The following DENND3 variants were observed in gnomAD, a reference collection of about 807,000 sequenced individuals.
The protein encoded by DENND3 is DENN domain containing 3, also known as DENN domain-containing protein 3.
Under a neutral mutation model 135.1 loss-of-function variants are expected in DENND3, and 88 were observed. That is an observed-to-expected ratio of 0.65 (90% CI 0.55 to 0.78). The LOEUF (loss-of-function observed/expected upper bound fraction) is 0.78, where lower values mean the gene tolerates loss of function less well. Ranked by LOEUF, DENND3 falls within the 30% of genes least tolerant of loss-of-function variation. The probability of loss-of-function intolerance (pLI) is 0.00; values close to 1 mark genes in which losing one functional copy is unlikely to be tolerated. For missense variants in DENND3, 1,392 were observed against 1,688.4 expected (o/e 0.82, Z 3.08); for synonymous variants, 693 against 712.3 (o/e 0.97, Z 0.43).
chr8:141,133,129 TG>T (rs1398954082), intron 1 of DENND3, among the ~76,000 whole-genome samples: 2 of 151,918 alleles, frequency 1.3e-5, no homozygotes, highest in Admixed American at 6.6e-5. Flanking sequence ...GCAGTGAGCG[TG>T]GGGGGTGGAG....
chr8:141,164,837 C>T (rs1000405183), intron 10 of DENND3, among the ~76,000 whole-genome samples: 6 of 152,216 alleles, frequency 3.9e-5, no homozygotes, highest in Admixed American at 6.5e-5. Context: ...TGAAAACAGT[C>T]GTTTCCTCTT....
Position 141,137,891 on chromosome 8 carries a change from G to A in DENND3, c.386-131G>A, listed in dbSNP as rs1323806935. 5 of 840,110 alleles carry A rather than the reference G, an allele frequency of 6.0e-6. No individual in the cohort carries two copies. Among genetic ancestry groups the A allele is most frequent in the South Asian group, 1.8e-5 (1 of 54,688 alleles). The allele number at this position is 840,110 out of a possible 1,614,324, so 52.0% of individuals were successfully genotyped here. On this transcript the variant is annotated intron_variant, in intron 2 of 22. Transcript: ENST00000519811. The surrounding 1 kb of genome is among the most constrained non-coding windows in gnomAD (Gnocchi z 4.1). ...GAGGCGTGATCGGAAGAATGAACCC[G>A]CCTTGGACATGAAGGCACCACCACT...
intron 5 of DENND3, among the ~76,000 whole-genome samples, chr8:141,147,001 C>T (rs960126612): frequency 2.0e-5 from 3 of 152,160 alleles, no homozygotes; most frequent in African/African-American, 4.8e-5. Context: ...ATAAGGAATG[C>T]GTGCGTAGCA....
chr8:141,136,821 G>A (rs373336820), intron 2 of DENND3, 30 bp downstream of exon 2: 81 of 1,505,336 alleles, frequency 5.4e-5, no homozygotes, highest in Non-Finnish European at 6.5e-5. Context: ...ACCACTGGGC[G>A]CCTCCTGCTG....
intron 18 of DENND3, 149 bp from the exon 19 acceptor site, chr8:141,188,837 C>A: frequency 9.6e-7 from 1 of 1,040,844 alleles, no homozygotes; most frequent in Non-Finnish European, 1.4e-6. Flanking sequence ...AACGTCAGGG[C>A]CAGAGGCTCC....
At chr8:141,151,050 A>C in intron 6 of DENND3, 97 bp downstream of exon 6, 1 of 1,412,380 alleles carries the variant, frequency 7.1e-7, no homozygotes, top group Non-Finnish European at 9.3e-7. Context: ...AGTTTATTCC[A>C]CAATGCACCG....
chr8:141,161,061 G>A (rs1820072925), intron 9 of DENND3, among the ~76,000 whole-genome samples: 1 of 81,528 alleles, frequency 1.2e-5, no homozygotes, highest in South Asian at 4.7e-4. Flanking sequence ...GCTGGTGACT[G>A]TGCCTTACTA....
intron 14 of DENND3, 175 bp from the exon 15 acceptor site, chr8:141,176,416 T>C: frequency 1.4e-6 from 1 of 721,226 alleles, no homozygotes; most frequent in Non-Finnish European, 2.3e-6. Context: ...GAATCCTACC[T>C]GCCGTCCATG....
chr8:141,175,092 G>T lies in DENND3; in HGVS notation c.2276-108G>T, dbSNP rs1467636855. ...AGCGCCCTGAGTGCTGGCGCCACCTGCTGCCGGGTTCCGGTAGTGTGCGGT... is the reference window on the plus strand; with the variant it reads ...AGCGCCCTGAGTGCTGGCGCCACCTTCTGCCGGGTTCCGGTAGTGTGCGGT... On this transcript the variant is annotated intron_variant, in intron 13 of 22. Transcript: ENST00000519811. This position sits in a 1 kb window ranked among gnomAD's most constrained non-coding sequence, Gnocchi z 5.4. The T allele has an allele frequency of 2.2e-6, 3 of 1,358,652 alleles. No homozygotes were observed. Among genetic ancestry groups the T allele is most frequent in the Non-Finnish European group, 3.0e-6 (3 of 1,002,806 alleles). The allele number at this position is 1,358,652 out of a possible 1,614,324, so 84.2% of individuals were successfully genotyped here. A position where few individuals can be genotyped will look rare whatever the true frequency, so the allele number is the denominator to read the frequency against.
chr8:141,132,870 T>C (rs1464448547), intron 1 of DENND3, among the ~76,000 whole-genome samples: 1 of 152,188 alleles, frequency 6.6e-6, no homozygotes, highest in Non-Finnish European at 1.5e-5. Context: ...CAGTCCAGGC[T>C]GAGCATGCCT....
chr8:141,192,340 A>G lies in DENND3; in HGVS notation c.3389A>G (p.Asn1130Ser), dbSNP rs1223105718. Residue 1130 changes from asparagine to serine, a missense_variant, in exon 21 of 23, where the codon AAC becomes AGC. Transcript: ENST00000519811. ...HGGRLWCCTG[N>S]SIMVMKMNGS... ...CTCCTTCCTTCCACAGGCACAGGTA[A>G]CAGCATCATGGTCATGAAAATGAAT... 1 of 1,614,008 alleles carries G rather than the reference A, an allele frequency of 6.2e-7. No individual in the cohort carries two copies. Among genetic ancestry groups the G allele is most frequent in the Non-Finnish European group, 8.5e-7 (1 of 1,180,020 alleles).
At position 141,174,972 on chromosome 8, in the gene DENND3, C is replaced by T. The variant is rs545319041; in HGVS notation, c.2276-228C>T. The stretch of plus-strand genomic sequence containing the variant: ...CAGAGCGGGCGGCTGGAAAGGGCTG[C>T]GGGCTCAGCCTAGATCGTGTGCCCC... On this transcript the variant is annotated intron_variant, in intron 13 of 22. Coordinates refer to ENST00000519811, the MANE Select transcript of DENND3 (RefSeq NM_001352890.3). The surrounding 1 kb of genome is among the most constrained non-coding windows in gnomAD (Gnocchi z 4.6). Among the ~76,000 whole-genome samples, 31 of 152,310 alleles carry T rather than the reference C, an allele frequency of 2.0e-4. No homozygotes were observed. The highest frequency in any genetic ancestry group is 6.7e-4 in the African/African-American group (28 of 41,566).
Position 141,175,520 on chromosome 8 carries a change from G to C in DENND3, c.2535+61G>C. 8.1e-6 allele frequency: 13 copies of C among 1,611,884 alleles called. No individual in the cohort carries two copies. The highest frequency in any genetic ancestry group is 1.1e-5 in the Non-Finnish European group (13 of 1,179,854). On this transcript the variant is annotated intron_variant, in intron 14 of 22. Transcript: ENST00000519811. This position sits in a 1 kb window ranked among gnomAD's most constrained non-coding sequence, Gnocchi z 5.4. ...CCTGTGTTTAGGAGACAGATGGCTG[G>C]AGTGGGCCCTGAGCAGTCTGCCAGC...
At chr8:141,192,267 G>A (rs2154613600) in intron 20 of DENND3, 64 bp from the exon 21 acceptor site, 1 of 1,589,516 alleles carries the variant, frequency 6.3e-7, no homozygotes. Flanking sequence ...GGCCGGCTCT[G>A]GTGCTGGCGT....
At chr8:141,184,534 A>G (rs1428999887) in intron 17 of DENND3, 1 of 152,264 alleles carries the variant, frequency 6.6e-6, no homozygotes, top group Non-Finnish European at 1.5e-5. Context: ...AGAACGAAAA[A>G]CAGACACTTC....
At chr8:141,136,375 G>A (rs1236415542) in intron 1 of DENND3, 134 bp from the exon 2 acceptor site, 1 of 953,870 alleles carries the variant, frequency 1.0e-6, no homozygotes, top group Non-Finnish European at 1.5e-6. Flanking sequence ...GCCCTTTACT[G>A]TTAGGAGCCT....
chr8:141,192,107 T>C (rs76946367), intron 20 of DENND3: 7,791 of 485,466 alleles, frequency 0.016, 519 homozygotes, highest in African/African-American at 0.13. Flanking sequence ...AAACTGCCCA[T>C]ATATTTACGT....
Position 141,168,584 on chromosome 8 carries a change from G to C in DENND3, c.2275+59G>C. The C allele has an allele frequency of 6.5e-7, 1 of 1,534,996 alleles. No homozygotes were observed. The highest frequency in any genetic ancestry group is 8.8e-7 in the Non-Finnish European group (1 of 1,137,956). On this transcript the variant is annotated intron_variant, in intron 13 of 22. Coordinates refer to ENST00000519811, the MANE Select transcript of DENND3 (RefSeq NM_001352890.3). This position sits in a 1 kb window ranked among gnomAD's most constrained non-coding sequence, Gnocchi z 6.2. ...TTATTTAGAGACAGGGTCTGGCTCT[G>C]TCGCCCAGGCTGGAGTGGACTGGCA...
chr8:141,135,254 C>T (rs1306475911), intron 1 of DENND3, among the ~76,000 whole-genome samples: 1 of 151,736 alleles, frequency 6.6e-6, no homozygotes, highest in Non-Finnish European at 1.5e-5. Context: ...TGGGCTCAGG[C>T]GATCTTCCTG....
Sources: gnomAD v4.1 joint callset for allele counts (sites outside exome capture counted in the v4.1 genomes callset) on GRCh38, gnomAD v4.1.1 for gene constraint, Gnocchi (gnomAD v3.1) non-coding constraint, MANE v1.5 for transcripts, NCBI Gene and HGNC (gene_info 2026-07-23, HGNC 2026-07-21) for gene names.